S100A10: variants seen among roughly 807,000 people sequenced by gnomAD.
S100A10 encodes protein S100-A10.
S100A10 carries 3 observed loss-of-function variants against 7.1 expected under a neutral mutation model. The ratio of observed to expected loss-of-function variants is 0.42; its 90% CI spans 0.19 to 1.10. The LOEUF (loss-of-function observed/expected upper bound fraction) is 1.10. Among genes scored for constraint, S100A10 ranks in the 50% least tolerant of loss-of-function variants. The pLI is 0.29. For synonymous variants in S100A10, 41 were observed against 39.3 expected, an observed-to-expected ratio of 1.04 and a Z score of -0.16; for missense variants, 101 against 118.1, an observed-to-expected ratio of 0.86 and a Z score of 0.67.
intron 1 of S100A10, among the ~76,000 whole-genome samples, chr1:151,987,377 G>A (rs1305945846): frequency 6.6e-6 from 1 of 151,840 alleles, no homozygotes; most frequent in East Asian, 1.9e-4. Flanking sequence ...ACTAGTAAAT[G>A]GGATTCTTAG....
chr1:151,984,523 AATT>A (rs1294823837), intron 2 of S100A10, among the ~76,000 whole-genome samples: 11 of 152,298 alleles, frequency 7.2e-5, no homozygotes, highest in African/African-American at 2.2e-4. Flanking sequence ...ATGTTTCCAG[AATT>A]ATGACTCTGT....
rs1336820427 is a variant in S100A10, at chr1:151,993,375, G to A, written c.-22+377C>T. On this transcript the variant is annotated intron_variant, in intron 1 of 2. Transcript: ENST00000368811. The surrounding 1 kb of genome is among the most constrained non-coding windows in gnomAD (Gnocchi z 5.1). ...CCAAGAAACACGCCAGCCAGGGCAG[G>A]GGCGTGTAGGAGGGATTCGGTAACC... 1.3e-5 allele frequency among the ~76,000 whole-genome samples: 2 copies of A among 152,214 alleles called. No individual in the cohort carries two copies. The highest frequency in any genetic ancestry group is 6.5e-5 in the Admixed American group (1 of 15,292).
chr1:151,991,312 A>T (rs1380527171), intron 1 of S100A10, among the ~76,000 whole-genome samples: 1 of 152,184 alleles, frequency 6.6e-6, no homozygotes, highest in Non-Finnish European at 1.5e-5. Context: ...CCTCTCACCA[A>T]CTAAAACTTG....
chr1:151,983,320 T>C lies in S100A10; in HGVS notation c.137A>G (p.Gln46Arg). The change falls in exon 3 of 3, where the codon CAA (glutamine) becomes CGA (arginine). Residue 46 changes from glutamine (Q) to arginine (R), a missense_variant. Physicochemically the swap from Gln to Arg is conservative, Grantham distance 43. Coordinates refer to ENST00000368811, the MANE Select transcript of S100A10 (RefSeq NM_002966.3). ...EKEFPGFLEN[Q>R]KDPLAVDKIM... ...TTTGTCCACAGCCAGAGGGTCTTTT[T>C]GATTCTGAAAAAAAAAAGAACAAAG... The C allele has an allele frequency of 6.5e-7, 1 of 1,541,524 alleles. No homozygotes were observed. The highest frequency in any genetic ancestry group is 8.7e-7 in the Non-Finnish European group (1 of 1,151,176).
At position 151,993,710 on chromosome 1, in the gene S100A10, G is replaced by C. The variant is rs1331089954; in HGVS notation, c.-22+42C>G. 6.6e-6 allele frequency: 1 copy of C among 152,514 alleles called. No homozygotes were observed. The highest frequency in any genetic ancestry group is 1.5e-5 in the Non-Finnish European group (1 of 68,270). The allele number at this position is 152,514 out of a possible 1,614,324, so 9.4% of individuals were successfully genotyped here. A position where few individuals can be genotyped will look rare whatever the true frequency, so the allele number is the denominator to read the frequency against. ...TTCCCCGGGCAGCAGGTCCGGGCCT[G>C]GGGACTACCCAGGAGGGGCGCGTGG... is the stretch of plus-strand genomic sequence containing the variant. On this transcript the variant is annotated intron_variant, in intron 1 of 2. Coordinates refer to ENST00000368811, the MANE Select transcript of S100A10 (RefSeq NM_002966.3). The surrounding 1 kb of genome is among the most constrained non-coding windows in gnomAD (Gnocchi z 5.1).
At position 151,993,289 on chromosome 1, in the gene S100A10, T is replaced by G. The variant is rs370722172; in HGVS notation, c.-22+463A>C. Reference sequence around the variant, plus strand: ...GCCTACTCGTCCTACCCGCGCCTACTTGGGCGGTACAGCCGGGAGCAGGCT... The same window carrying G: ...GCCTACTCGTCCTACCCGCGCCTACGTGGGCGGTACAGCCGGGAGCAGGCT... On this transcript the variant is annotated intron_variant, in intron 1 of 2. Transcript: ENST00000368811. This position sits in a 1 kb window ranked among gnomAD's most constrained non-coding sequence, Gnocchi z 5.1. 2.3e-3 allele frequency among the ~76,000 whole-genome samples: 350 copies of G among 152,168 alleles called. 3 individuals carry two copies. Among genetic ancestry groups the G allele is most frequent in the African/African-American group, 8.1e-3 (337 of 41,506 alleles).
intron 1 of S100A10, among the ~76,000 whole-genome samples, chr1:151,989,067 A>G (rs1413677069): frequency 1.3e-5 from 2 of 152,312 alleles, no homozygotes; most frequent in Non-Finnish European, 2.9e-5. Flanking sequence ...AGAATTAAGA[A>G]AGGGAATGCA....
chr1:151,992,186 C>T (rs142493237), intron 1 of S100A10, among the ~76,000 whole-genome samples: 130 of 152,286 alleles, frequency 8.5e-4, no homozygotes, highest in African/African-American at 3.1e-3. Context: ...ACTCCAACCC[C>T]TGGCATTATC....
At chr1:151,991,078 C>T (rs1211910953) in intron 1 of S100A10, among the ~76,000 whole-genome samples, 1 of 152,134 alleles carries the variant, frequency 6.6e-6, no homozygotes, top group Non-Finnish European at 1.5e-5. Context: ...TGTGTCTTGT[C>T]CATACCCTAG....
At chr1:151,986,785 G>A (rs2101768877) in intron 1 of S100A10, among the ~76,000 whole-genome samples, 1 of 152,284 alleles carries the variant, frequency 6.6e-6, no homozygotes, top group East Asian at 1.9e-4. Flanking sequence ...TGTATTGCCA[G>A]CCTTTTTAGG....
At chr1:151,990,920 T>C (rs1245312662) in intron 1 of S100A10, among the ~76,000 whole-genome samples, 1 of 152,240 alleles carries the variant, frequency 6.6e-6, no homozygotes, top group Non-Finnish European at 1.5e-5. Context: ...TTGGTTGTCC[T>C]GCGAGTAGCA....
At chr1:151,992,958 CGTCT>C (rs1238334809) in intron 1 of S100A10, among the ~76,000 whole-genome samples, 1 of 152,202 alleles carries the variant, frequency 6.6e-6, no homozygotes, top group African/African-American at 2.4e-5. Flanking sequence ...ACCAAAGGCA[CGTCT>C]GTCTGTTTCA....
chr1:151,991,914 C>T (rs1020766513), intron 1 of S100A10, among the ~76,000 whole-genome samples: 4 of 152,072 alleles, frequency 2.6e-5, no homozygotes, highest in East Asian at 3.9e-4. Flanking sequence ...TATGATGTGT[C>T]GGAGAAAAGC....
In S100A10 at chr1:151,993,403, A is replaced by C. The variant is rs745533343; in HGVS notation, c.-22+349T>G. On this transcript the variant is annotated intron_variant, in intron 1 of 2. Coordinates refer to ENST00000368811, the MANE Select transcript of S100A10 (RefSeq NM_002966.3). The surrounding 1 kb of genome is among the most constrained non-coding windows in gnomAD (Gnocchi z 5.1). The stretch of plus-strand genomic sequence containing the variant: ...CGTGTAGGAGGGATTCGGTAACCCG[A>C]GAGACGAGTGGGAAAGTAGGAAAGG... Among the ~76,000 whole-genome samples the C allele has an allele frequency of 5.9e-5, 9 of 152,162 alleles. No individual in the cohort carries two copies. The highest frequency in any genetic ancestry group is 1.0e-4 in the Non-Finnish European group (7 of 68,016).
At chr1:151,983,386 TG>T in intron 2 of S100A10, 62 bp from the exon 3 acceptor site, 1 of 1,115,422 alleles carries the variant, frequency 9.0e-7, no homozygotes, top group Non-Finnish European at 1.2e-6. Flanking sequence ...GGAGCTTATT[TG>T]ATTTGTACTG....
Position 151,983,121 on chromosome 1 carries a change from G to C in S100A10, c.*42C>G, listed in dbSNP as rs375754546. 1.4e-6 allele frequency: 2 copies of C among 1,400,136 alleles called. No homozygotes were observed. Among genetic ancestry groups the C allele is most frequent in the African/African-American group, 2.9e-5 (2 of 68,932 alleles). 86.7% of individuals were successfully genotyped at this position (1,400,136 alleles called of 1,614,324 possible). A position where few individuals can be genotyped will look rare whatever the true frequency, so the allele number is the denominator to read the frequency against. On this transcript the variant is annotated 3_prime_UTR_variant, in exon 3 of 3. Coordinates refer to ENST00000368811, the MANE Select transcript of S100A10 (RefSeq NM_002966.3). ...GGGCAGATTCCTTAAGCGACCCTTT[G>C]GGACAACTCTTATCAGGGAGGAGCG...
At chr1:151,990,205 C>T (rs901081902) in intron 1 of S100A10, among the ~76,000 whole-genome samples, 1 of 152,174 alleles carries the variant, frequency 6.6e-6, no homozygotes, top group African/African-American at 2.4e-5. Flanking sequence ...AAGTGTTCAA[C>T]TATGAACGGA....
intron 1 of S100A10, among the ~76,000 whole-genome samples, chr1:151,989,599 T>A (rs868211022): frequency 8.5e-5 from 13 of 152,148 alleles, no homozygotes; most frequent in Non-Finnish European, 1.8e-4. Context: ...GGGGGAAATG[T>A]TGTGATTAAA....
intron 2 of S100A10, among the ~76,000 whole-genome samples, chr1:151,984,683 T>A (rs1475766677): frequency 6.6e-6 from 1 of 152,242 alleles, no homozygotes; most frequent in African/African-American, 2.4e-5. Flanking sequence ...AACAAGTGTT[T>A]AGTGTACTGA....
Sources: gnomAD v4.1 joint callset for allele counts (sites outside exome capture counted in the v4.1 genomes callset) on GRCh38, gnomAD v4.1.1 for gene constraint, Gnocchi (gnomAD v3.1) non-coding constraint, MANE v1.5 for transcripts, NCBI Gene and HGNC (gene_info 2026-07-23, HGNC 2026-07-21) for gene names.